GRM5: variants seen among roughly 807,000 people sequenced by gnomAD.
The protein encoded by GRM5 is metabotropic glutamate receptor 5.
In GRM5, 19 loss-of-function variants were observed where a neutral mutation model predicts 83.1. The ratio of observed to expected loss-of-function variants is 0.23; its 90% CI spans 0.16 to 0.34. GRM5 has a LOEUF of 0.34. Ranked by LOEUF, GRM5 falls within the 10% of genes least tolerant of loss-of-function variation. The pLI, the probability that GRM5 is intolerant of heterozygous loss-of-function variation, is 1.00. For synonymous variants in GRM5, 675 were observed against 633.6 expected, an observed-to-expected ratio of 1.07 and a Z score of -0.98; for missense variants, 1,160 against 1,588.3, an observed-to-expected ratio of 0.73 and a Z score of 4.58.
chr11:88,900,064 C>A (rs1233208095), intron 2 of GRM5, among the ~76,000 whole-genome samples: 3 of 152,032 alleles, frequency 2.0e-5, no homozygotes, highest in Non-Finnish European at 4.4e-5. Flanking sequence ...AATATATAAA[C>A]AACTCTGCTG....
At chr11:88,940,983 CT>C (rs1274687459) in intron 2 of GRM5, among the ~76,000 whole-genome samples, 1 of 151,858 alleles carries the variant, frequency 6.6e-6, no homozygotes, top group Non-Finnish European at 1.5e-5. Flanking sequence ...AGTTTTCCCC[CT>C]AACTCTATCA....
chr11:88,781,301 TAAAGAG>T (rs1216426427), intron 3 of GRM5, among the ~76,000 whole-genome samples: 2 of 152,084 alleles, frequency 1.3e-5, no homozygotes, highest in Non-Finnish European at 2.9e-5. Context: ...TGTCTGACTC[TAAAGAG>T]TATTAAAATA....
chr11:89,062,121 A>T (rs988462555), intron 1 of GRM5, among the ~76,000 whole-genome samples: 2 of 152,234 alleles, frequency 1.3e-5, no homozygotes, highest in African/African-American at 4.8e-5. Flanking sequence ...CAAGTCCTAA[A>T]CCAATGGCAT....
chr11:89,064,365 A>T (rs1565357963), intron 1 of GRM5, among the ~76,000 whole-genome samples: 1 of 152,200 alleles, frequency 6.6e-6, no homozygotes, highest in East Asian at 1.9e-4. Context: ...GTGGATCTGA[A>T]CATTTCTAAA....
intron 2 of GRM5, among the ~76,000 whole-genome samples, chr11:88,902,715 G>GTTT (rs1945331761): frequency 2.0e-5 from 3 of 152,020 alleles, no homozygotes; most frequent in Non-Finnish European, 4.4e-5. Context: ...CAGCACTTTG[G>GTTT]GAGGCCGAAG....
intron 3 of GRM5, among the ~76,000 whole-genome samples, chr11:88,657,761 A>G (rs1324276214): frequency 6.6e-6 from 1 of 152,064 alleles, no homozygotes; most frequent in Non-Finnish European, 1.5e-5. Context: ...CTAGGTCTCT[A>G]TAACCTTCCT....
chr11:88,844,379 CACACACACACAT>C (rs911894225), intron 3 of GRM5, among the ~76,000 whole-genome samples: 1 of 150,144 alleles, frequency 6.7e-6, no homozygotes, highest in African/African-American at 2.5e-5. Context: ...CACACACACA[CACACACACACAT>C]ATATATATAT....
chr11:88,965,433 A>T (rs1476566949), intron 2 of GRM5, among the ~76,000 whole-genome samples: 1 of 152,092 alleles, frequency 6.6e-6, no homozygotes, highest in African/African-American at 2.4e-5. Context: ...TCCTTCTAAA[A>T]ACCCTACCTC....
chr11:88,676,286 ATTAT>A (rs1940326091), intron 3 of GRM5, among the ~76,000 whole-genome samples: 1 of 152,038 alleles, frequency 6.6e-6, no homozygotes, highest in Non-Finnish European at 1.5e-5. Context: ...TTCAAAGGAC[ATTAT>A]TTATTCAGTT....
chr11:89,040,792 A>T (rs2135140834), intron 2 of GRM5, among the ~76,000 whole-genome samples: 1 of 152,218 alleles, frequency 6.6e-6, no homozygotes, highest in South Asian at 2.1e-4. Flanking sequence ...GGTAGGAAGG[A>T]AAGAGAAGGA....
At position 88,521,802 on chromosome 11, in the gene GRM5, CT is replaced by C. The variant is rs771413428; in HGVS notation, c.2726+3506del. Among the ~76,000 whole-genome samples the C allele has an allele frequency of 1.3e-4, 20 of 152,288 alleles. No individual in the cohort carries two copies. In the East Asian group the frequency reaches 2.1e-3, roughly 16 times the overall value. ...ATGGGGACATGTTATATTCTCATTC[CT>C]TTCCCAGCATGAGGGTTGAGGGAGG... On this transcript the variant is annotated intron_variant, in intron 9 of 9. Transcript: ENST00000305447.
intron 3 of GRM5, among the ~76,000 whole-genome samples, chr11:88,761,060 AAG>A (rs1942504005): frequency 6.6e-6 from 1 of 152,228 alleles, no homozygotes; most frequent in East Asian, 1.9e-4. Context: ...ATAAAACAAT[AAG>A]AGTCATCTAT....
At chr11:88,722,602 G>A (rs1941573616) in intron 3 of GRM5, among the ~76,000 whole-genome samples, 1 of 152,038 alleles carries the variant, frequency 6.6e-6, no homozygotes, top group Non-Finnish European at 1.5e-5. Flanking sequence ...GGAGATACCT[G>A]GACAAAAAGC....
intron 1 of GRM5, among the ~76,000 whole-genome samples, chr11:89,062,924 C>T (rs1489791045): frequency 6.6e-6 from 1 of 152,196 alleles, no homozygotes; most frequent in Non-Finnish European, 1.5e-5. Flanking sequence ...GCTTTGTGTT[C>T]GAGGGGAAAG....
chr11:88,988,916 G>C (rs892687305), intron 2 of GRM5, among the ~76,000 whole-genome samples: 1 of 147,738 alleles, frequency 6.8e-6, no homozygotes, highest in African/African-American at 2.5e-5. Context: ...ATGCCAAAAT[G>C]TAAAGACCAT....
chr11:88,839,191 C>T (rs1382928873), intron 3 of GRM5, among the ~76,000 whole-genome samples: 1 of 152,046 alleles, frequency 6.6e-6, no homozygotes, highest in Non-Finnish European at 1.5e-5. Flanking sequence ...AAACAACTGA[C>T]CTTTGCATGC....
chr11:88,943,070 T>A lies in GRM5; in HGVS notation c.662-92915A>T, dbSNP rs374038290. Among the ~76,000 whole-genome samples, 7 of 152,198 alleles carry A rather than the reference T, an allele frequency of 4.6e-5. No individual in the cohort carries two copies. The South Asian group carries it at 1.5e-3, about 32-fold the overall frequency. ...CATTATTGCTGTTGTTATTAATAACTGTTGTTACTCTGAGGCTTAGAGAGA... is the reference window on the plus strand; with the variant it reads ...CATTATTGCTGTTGTTATTAATAACAGTTGTTACTCTGAGGCTTAGAGAGA... On this transcript the variant is annotated intron_variant, in intron 2 of 9. Coordinates refer to ENST00000305447, the MANE Select transcript of GRM5 (RefSeq NM_001143831.3).
At chr11:88,514,675 A>G (rs1211767552) in intron 9 of GRM5, among the ~76,000 whole-genome samples, 4 of 152,196 alleles carry the variant, frequency 2.6e-5, no homozygotes. Context: ...TACTGTGGAA[A>G]AAAAAAGACT....
chr11:88,915,304 GTTTA>G (rs959795037), intron 2 of GRM5, among the ~76,000 whole-genome samples: 1 of 152,052 alleles, frequency 6.6e-6, no homozygotes, highest in African/African-American at 2.4e-5. Flanking sequence ...AAGATTGGTG[GTTTA>G]TAAAACAAAA....
Sources: allele counts gnomAD v4.1 joint callset (sites outside exome capture counted in the v4.1 genomes callset), GRCh38; gene constraint gnomAD v4.1.1; transcripts MANE v1.5; gene names NCBI Gene and HGNC (gene_info 2026-07-23, HGNC 2026-07-21).